Variants in NSL1 observed in about 807,000 individuals in gnomAD.
The protein encoded by NSL1 is kinetochore-associated protein NSL1 homolog.
A neutral mutation model predicts 25.4 loss-of-function variants in NSL1; 11 were observed. That is an observed-to-expected ratio of 0.43 (90% confidence interval 0.27 to 0.72). The LOEUF is 0.72. NSL1 is among the 30% of genes least tolerant of loss of function. The probability of loss-of-function intolerance (pLI) is 0.19; values close to 1 mark genes in which losing one functional copy is unlikely to be tolerated. For missense variants in NSL1, 330 were observed against 342.7 expected, an observed-to-expected ratio of 0.96 and a Z score of 0.29; for synonymous variants, 118 against 120.6, an observed-to-expected ratio of 0.98 and a Z score of 0.14.
rs765394494 is a variant in NSL1, at chr1:212,760,394, C to T, written c.500-20793G>A. Among the ~76,000 whole-genome samples, 3 of 152,146 alleles carry T rather than the reference C, an allele frequency of 2.0e-5. No individual in the cohort carries two copies. Among genetic ancestry groups the T allele is most frequent in the Non-Finnish European group, 4.4e-5 (3 of 68,022 alleles). On this transcript the variant is annotated intron_variant, in intron 4 of 5. Transcript: ENST00000366977. This position sits in a 1 kb window ranked among gnomAD's most constrained non-coding sequence, Gnocchi z 4.3. The stretch of plus-strand genomic sequence containing the variant: ...GTTGCTGTGGGCAGGTGCACACACT[C>T]AGCCATCAAGGGGCCTGATAACAGG...
chr1:212,791,439 C>A, intron 1 of NSL1, 91 bp downstream of exon 1: 1 of 1,227,734 alleles, frequency 8.1e-7, no homozygotes, highest in Non-Finnish European at 1.2e-6. Flanking sequence ...TTAATTCTGC[C>A]AAGGCCTGGC....
intron 4 of NSL1, among the ~76,000 whole-genome samples, chr1:212,741,350 G>A (rs1293864154): frequency 6.6e-6 from 1 of 152,162 alleles, no homozygotes; most frequent in Non-Finnish European, 1.5e-5. Context: ...CCATGGGCTA[G>A]GCTTATGATA....
Position 212,787,573 on chromosome 1 carries a change from T to C in NSL1, c.299A>G (p.Asp100Gly). The C allele has an allele frequency of 6.2e-7, 1 of 1,604,542 alleles. No individual in the cohort carries two copies. Among genetic ancestry groups the C allele is most frequent in the Non-Finnish European group, 8.5e-7 (1 of 1,176,184 alleles). The change falls in exon 2 of 6, where the codon GAT becomes GGT. Residue 100 changes from aspartate to glycine, a missense_variant. Coordinates refer to ENST00000366977, the MANE Select transcript of NSL1 (RefSeq NM_015471.4). ...AAGTCACATACCCATAAAACAATTA[T>C]CTGAAGCTTCCTGCCATGCTTGCCC... The part of the protein sequence containing the change: ...INGQAWQEAS[D>G]NCFMDSDIKV...
intron 1 of NSL1, among the ~76,000 whole-genome samples, chr1:212,790,923 A>G (rs144690308): frequency 1.4e-5 from 2 of 140,738 alleles, no homozygotes; most frequent in African/African-American, 5.3e-5. Context: ...ACTCTGTCTC[A>G]AAAAAAAAAA....
chr1:212,768,652 A>G lies in NSL1; in HGVS notation c.499+13720T>C, dbSNP rs143356428. On this transcript the variant is annotated intron_variant, in intron 4 of 5. Transcript: ENST00000366977. ...AACCAAGCATTGTATGTTCTCATTT[A>G]TAAGTGGGAGCTAAGCTATGAGGAT... Among the ~76,000 whole-genome samples, 540 of 152,334 alleles carry G rather than the reference A, an allele frequency of 3.5e-3. 7 individuals are homozygous for G. The highest frequency in any genetic ancestry group is 0.012 in the African/African-American group (512 of 41,582).
intron 4 of NSL1, among the ~76,000 whole-genome samples, chr1:212,758,290 T>A (rs759736493): frequency 6.6e-6 from 1 of 152,152 alleles, no homozygotes; most frequent in African/African-American, 2.4e-5. Flanking sequence ...TATAAAGGAA[T>A]GGTAATCAGA....
chr1:212,790,966 C>T (rs1661209660), intron 1 of NSL1, among the ~76,000 whole-genome samples: 1 of 151,724 alleles, frequency 6.6e-6, no homozygotes, highest in South Asian at 2.1e-4. Context: ...ATAAAACATG[C>T]AAAAGGAAAG....
rs1658160546 is a variant in NSL1, at chr1:212,734,619, G to A, written c.*3789C>T. Among the ~76,000 whole-genome samples the A allele has an allele frequency of 6.6e-6, 1 of 152,176 alleles. No individual in the cohort carries two copies. Among genetic ancestry groups the A allele is most frequent in the Non-Finnish European group, 1.5e-5 (1 of 68,044 alleles). On this transcript the variant is annotated 3_prime_UTR_variant, in exon 6 of 6. Coordinates refer to ENST00000366977, the MANE Select transcript of NSL1 (RefSeq NM_015471.4). ...CATTCTGTGATTCCATACACAGGATGTATTCTCTTGTGCCTGGCTTTGCTT... is the reference window on the plus strand; with the variant it reads ...CATTCTGTGATTCCATACACAGGATATATTCTCTTGTGCCTGGCTTTGCTT...
rs1657993469 is a variant in NSL1 at position 212,731,074 on chromosome 1, C to A, written c.*7334G>T. ...GAATATAACATTAATTTTCTCAAAT[C>A]CTTTCATATAAAATCCCCAAGAACC... On this transcript the variant is annotated 3_prime_UTR_variant, in exon 6 of 6. Coordinates refer to ENST00000366977, the MANE Select transcript of NSL1 (RefSeq NM_015471.4). 2.0e-6 allele frequency: 2 copies of A among 984,974 alleles called. No individual in the cohort carries two copies. Among genetic ancestry groups the A allele is most frequent in the Non-Finnish European group, 2.4e-6 (2 of 829,744 alleles). 61.0% of individuals were successfully genotyped at this position (984,974 alleles called of 1,614,324 possible).
chr1:212,774,514 C>T (rs1660267433), intron 4 of NSL1, among the ~76,000 whole-genome samples: 1 of 151,016 alleles, frequency 6.6e-6, no homozygotes, highest in Admixed American at 6.6e-5. Context: ...ATACCTCCCT[C>T]AAAAAACAAA....
chr1:212,738,144 G>T lies in NSL1; in HGVS notation c.*264C>A. The T allele has an allele frequency of 5.2e-6, 6 of 1,146,032 alleles. No individual in the cohort carries two copies. The highest frequency in any genetic ancestry group is 6.4e-6 in the Non-Finnish European group (6 of 932,318). 71.0% of individuals were successfully genotyped at this position (1,146,032 alleles called of 1,614,324 possible). ...TTGATGGCACTTAAGGACAGTAAAAGTCTGCACTTTTAATATTTTTAATGC... is the reference window on the plus strand; with the variant it reads ...TTGATGGCACTTAAGGACAGTAAAATTCTGCACTTTTAATATTTTTAATGC... On this transcript the variant is annotated 3_prime_UTR_variant, in exon 6 of 6. Coordinates refer to ENST00000366977, the MANE Select transcript of NSL1 (RefSeq NM_015471.4).
At chr1:212,790,839 C>T (rs1230191615) in intron 1 of NSL1, among the ~76,000 whole-genome samples, 1 of 151,798 alleles carries the variant, frequency 6.6e-6, no homozygotes, top group East Asian at 1.9e-4. Context: ...AGGAGAATGG[C>T]GTGAACCCAG....
rs1659491159 is a variant in NSL1 at position 212,760,094 on chromosome 1, T to A, written c.500-20493A>T. 6.7e-6 allele frequency among the ~76,000 whole-genome samples: 1 copy of A among 149,036 alleles called. No individual in the cohort carries two copies. The highest frequency in any genetic ancestry group is 2.5e-5 in the African/African-American group (1 of 40,344). On this transcript the variant is annotated intron_variant, in intron 4 of 5. Coordinates refer to ENST00000366977, the MANE Select transcript of NSL1 (RefSeq NM_015471.4). This position sits in a 1 kb window ranked among gnomAD's most constrained non-coding sequence, Gnocchi z 4.3. Reference sequence around the variant, plus strand: ...ACAGACCATCGCCAGTGCCCAATCATACTGTCCAGGGCCTGGGGATTGACC... The same window carrying A: ...ACAGACCATCGCCAGTGCCCAATCAAACTGTCCAGGGCCTGGGGATTGACC...
At chr1:212,787,454 T>C (rs894374533) in intron 2 of NSL1, 105 bp downstream of exon 2, 15 of 709,536 alleles carry the variant, frequency 2.1e-5, no homozygotes, top group Non-Finnish European at 3.4e-5. Flanking sequence ...AACAACTTCT[T>C]GAAAATAAAT....
intron 4 of NSL1, among the ~76,000 whole-genome samples, chr1:212,780,569 C>T (rs935459405): frequency 2.9e-5 from 4 of 140,166 alleles, no homozygotes; most frequent in Non-Finnish European, 4.7e-5. Flanking sequence ...CTTAATATTA[C>T]AATAAAGGAA....
chr1:212,742,953 A>G (rs1289587701), intron 4 of NSL1, among the ~76,000 whole-genome samples: 1 of 152,206 alleles, frequency 6.6e-6, no homozygotes, highest in Non-Finnish European at 1.5e-5. Context: ...TCTAGTCCTA[A>G]GGACTCTCAA....
intron 5 of NSL1, 50 bp downstream of exon 5, chr1:212,739,484 T>C (rs763712877): frequency 1.9e-6 from 3 of 1,550,566 alleles, no homozygotes; most frequent in Non-Finnish European, 2.7e-6. Context: ...TGCAAATACC[T>C]AGCCATACAT....
chr1:212,775,594 T>A (rs1310917357), intron 4 of NSL1, among the ~76,000 whole-genome samples: 2 of 142,424 alleles, frequency 1.4e-5, no homozygotes, highest in African/African-American at 2.8e-5. Context: ...AGACCCCACC[T>A]CTACCAGAAA....
chr1:212,746,463 AAAG>A (rs1315050570), intron 4 of NSL1, among the ~76,000 whole-genome samples: 2 of 152,236 alleles, frequency 1.3e-5, no homozygotes, highest in Non-Finnish European at 2.9e-5. Flanking sequence ...ATTAAACAAA[AAAG>A]AAGACAGTAA....
Sources: gnomAD v4.1 joint callset for allele counts (sites outside exome capture counted in the v4.1 genomes callset) on GRCh38, gnomAD v4.1.1 for gene constraint, Gnocchi (gnomAD v3.1) non-coding constraint, MANE v1.5 for transcripts, NCBI Gene and HGNC (gene_info 2026-07-23, HGNC 2026-07-21) for gene names.